PUM1: variants seen among roughly 807,000 people sequenced by gnomAD.
The protein encoded by PUM1 is pumilio homolog 1.
In PUM1, 13 loss-of-function variants were observed where a neutral mutation model predicts 131.8. The observed-to-expected ratio is 0.10, with a 90% CI of 0.06 to 0.16. The LOEUF (loss-of-function observed/expected upper bound fraction) is 0.16, where lower values mean the gene tolerates loss of function less well. PUM1 is among the 10% of genes least tolerant of loss of function. The pLI, the probability that PUM1 is intolerant of heterozygous loss-of-function variation, is 1.00. For missense variants in PUM1, 961 were observed against 1,512.4 expected (o/e 0.64, Z 6.05); for synonymous variants, 509 against 556.5 (o/e 0.91, Z 1.20).
At chr1:30,950,060 C>T (rs1639863088) in intron 17 of PUM1, 67 bp downstream of exon 17, 4 of 1,504,874 alleles carry the variant, frequency 2.7e-6, no homozygotes, top group Non-Finnish European at 3.6e-6. Context: ...GACAGAATTA[C>T]AGGGTTCACT....
At chr1:30,979,857 G>A (rs186569631) in intron 9 of PUM1, among the ~76,000 whole-genome samples, 19 of 152,284 alleles carry the variant, frequency 1.2e-4, no homozygotes, top group African/African-American at 3.4e-4. Context: ...AGGCGTATGT[G>A]ATTAATTTGC....
At chr1:31,050,865 G>A (rs890740415) in intron 2 of PUM1, 3 of 241,332 alleles carry the variant, frequency 1.2e-5, no homozygotes, top group African/African-American at 2.3e-5. Context: ...GCACTCCTGA[G>A]AGCAAGATGG....
At chr1:31,030,494 G>A (rs1477901907) in intron 2 of PUM1, among the ~76,000 whole-genome samples, 2 of 152,060 alleles carry the variant, frequency 1.3e-5, no homozygotes, top group Non-Finnish European at 2.9e-5. Context: ...TTCAAGACCA[G>A]CCTGGGCAAT....
chr1:31,038,984 A>ATATATATATATATATATATATATTTTTTT, intron 2 of PUM1, among the ~76,000 whole-genome samples: 1 of 49,412 alleles, frequency 2.0e-5, no homozygotes, highest in Non-Finnish European at 3.1e-5. Context: ...ATATATATAT[A>ATATATATATATATATATATATATTTTTTT]TTTTTTTTTT....
intron 14 of PUM1, 76 bp from the exon 15 acceptor site, chr1:30,954,057 A>G: frequency 1.4e-6 from 2 of 1,431,040 alleles, no homozygotes; most frequent in South Asian, 2.5e-5. Context: ...GCATTCCCAC[A>G]CCCGAAAGCC....
rs140962365 is a variant in PUM1, at chr1:31,023,004, A to G, written c.432+5792T>C. Reference sequence around the variant, plus strand: ...GCCAACATAGTGAAACCCTGTCTCTATTAAAAAAAAATACAACAAATTAGC... The same window carrying G: ...GCCAACATAGTGAAACCCTGTCTCTGTTAAAAAAAAATACAACAAATTAGC... On this transcript the variant is annotated intron_variant, in intron 3 of 21. Coordinates refer to ENST00000426105, the MANE Select transcript of PUM1 (RefSeq NM_001020658.2). 4.6e-3 allele frequency among the ~76,000 whole-genome samples: 693 copies of G among 151,994 alleles called. 3 individuals carry two copies. Among genetic ancestry groups the G allele is most frequent in the African/African-American group, 0.016 (648 of 41,468 alleles).
At chr1:30,996,740 A>T (rs1013622790) in intron 5 of PUM1, among the ~76,000 whole-genome samples, 1 of 152,226 alleles carries the variant, frequency 6.6e-6, no homozygotes, top group East Asian at 1.9e-4. Flanking sequence ...TATGCACCAC[A>T]TTGAGATTCC....
At chr1:30,981,717 ATATCTATATATC>A (rs1350923476) in intron 7 of PUM1, among the ~76,000 whole-genome samples, 2 of 152,112 alleles carry the variant, frequency 1.3e-5, no homozygotes, top group Non-Finnish European at 2.9e-5. Flanking sequence ...ATCTATATCT[ATATCTATATATC>A]TATCTATATA....
At chr1:31,035,342 G>A (rs12753819) in intron 2 of PUM1, among the ~76,000 whole-genome samples, 10,993 of 151,600 alleles carry the variant, frequency 0.073, 557 homozygotes, top group South Asian at 0.15. Context: ...GCAGTGAGCC[G>A]AGACTGCACC....
At chr1:30,934,943 C>A (rs1482047674) in intron 21 of PUM1, among the ~76,000 whole-genome samples, 1 of 152,156 alleles carries the variant, frequency 6.6e-6, no homozygotes, top group Non-Finnish European at 1.5e-5. Flanking sequence ...GAAAAGGATA[C>A]CACTTAGTAA....
chr1:31,005,811 GA>G, intron 5 of PUM1, 41 bp downstream of exon 5: 1 of 1,521,884 alleles, frequency 6.6e-7, no homozygotes, highest in Admixed American at 2.1e-5. Flanking sequence ...GAGAGAGAGA[GA>G]GAGAGAGAGA....
intron 3 of PUM1, among the ~76,000 whole-genome samples, chr1:31,017,354 A>G (rs1209965474): frequency 6.6e-6 from 1 of 152,194 alleles, no homozygotes; most frequent in Non-Finnish European, 1.5e-5. Context: ...AACCACACCA[A>G]TGAAGAAATG....
At chr1:30,997,986 A>C (rs926523719) in intron 5 of PUM1, among the ~76,000 whole-genome samples, 1 of 151,828 alleles carries the variant, frequency 6.6e-6, no homozygotes, top group Non-Finnish European at 1.5e-5. Flanking sequence ...TTTTACCAAT[A>C]TCGTACAGGC....
At chr1:31,049,390 C>T (rs1016749603) in intron 2 of PUM1, among the ~76,000 whole-genome samples, 5 of 151,956 alleles carry the variant, frequency 3.3e-5, no homozygotes, top group Non-Finnish European at 7.4e-5. Context: ...GTAGCATGTG[C>T]CGGTAATCCC....
chr1:31,031,108 T>A (rs1049163857), intron 2 of PUM1, among the ~76,000 whole-genome samples: 1 of 151,732 alleles, frequency 6.6e-6, no homozygotes, highest in Non-Finnish European at 1.5e-5. Context: ...ATAATAAAAA[T>A]AAAGGAGGGT....
At chr1:30,969,342 A>G (rs1640777780) in intron 10 of PUM1, among the ~76,000 whole-genome samples, 1 of 150,296 alleles carries the variant, frequency 6.7e-6, no homozygotes, top group Admixed American at 6.7e-5. Flanking sequence ...AAAAAGAAAA[A>G]AAAAGAGTAT....
chr1:30,989,938 G>C (rs1360018509), intron 7 of PUM1, among the ~76,000 whole-genome samples: 5 of 152,214 alleles, frequency 3.3e-5, no homozygotes, highest in Admixed American at 2.0e-4. Flanking sequence ...TCATGAGAGA[G>C]ACCATGGCTT....
Position 30,999,567 on chromosome 1 carries a change from G to T in PUM1, c.721-4347C>A, listed in dbSNP as rs573833889. 5.0e-4 allele frequency among the ~76,000 whole-genome samples: 59 copies of T among 119,026 alleles called. 1 individual carries two copies. The South Asian group carries it at 0.015, about 30-fold the overall frequency. 78.1% of individuals were successfully genotyped at this position (119,026 alleles called of 152,430 possible). A position where few individuals can be genotyped will look rare whatever the true frequency, so the allele number is the denominator to read the frequency against. On this transcript the variant is annotated intron_variant, in intron 5 of 21. Transcript: ENST00000426105. ...GGTTGCAGTGAGCCAAGATCACACTGCTGCACTCCAGCCTGGGTGACAGAG... is the reference window on the plus strand; with the variant it reads ...GGTTGCAGTGAGCCAAGATCACACTTCTGCACTCCAGCCTGGGTGACAGAG...
intron 7 of PUM1, among the ~76,000 whole-genome samples, chr1:30,991,602 AAG>A (rs1641795721): frequency 1.3e-5 from 2 of 152,248 alleles, no homozygotes; most frequent in African/African-American, 4.8e-5. Context: ...AAAACTACTA[AAG>A]AGTAACAGAA....
Sources: allele counts gnomAD v4.1 joint callset (sites outside exome capture counted in the v4.1 genomes callset), GRCh38; gene constraint gnomAD v4.1.1; transcripts MANE v1.5; gene names NCBI Gene and HGNC (gene_info 2026-07-23, HGNC 2026-07-21).